GOLM1: variants seen among roughly 807,000 people sequenced by gnomAD.
The protein encoded by GOLM1 is golgi membrane protein 1.
In GOLM1, 31 loss-of-function variants were observed where a neutral mutation model predicts 50.5. The ratio of observed to expected loss-of-function variants is 0.61; its 90% confidence interval spans 0.46 to 0.83. The LOEUF is 0.83. Among genes scored for constraint, GOLM1 ranks in the 40% least tolerant of loss-of-function variants. GOLM1 has a pLI of 0.00. For synonymous variants in GOLM1, 178 were observed against 192.8 expected (o/e 0.92, Z 0.64); for missense variants, 491 against 501.3 (o/e 0.98, Z 0.20).
At chr9:86,058,609 T>A (rs1834057619) in intron 3 of GOLM1, among the ~76,000 whole-genome samples, 1 of 148,512 alleles carries the variant, frequency 6.7e-6, no homozygotes, top group South Asian at 2.1e-4. Flanking sequence ...GGCAGGGGAA[T>A]CATTTGAACA....
chr9:86,083,451 C>T (rs1834848757), intron 1 of GOLM1, among the ~76,000 whole-genome samples: 1 of 152,206 alleles, frequency 6.6e-6, no homozygotes, highest in Non-Finnish European at 1.5e-5. Flanking sequence ...GTGGCACGAA[C>T]TTGGCTCACT....
chr9:86,049,776 T>C (rs1833677725), intron 4 of GOLM1, among the ~76,000 whole-genome samples: 2 of 152,222 alleles, frequency 1.3e-5, no homozygotes, highest in South Asian at 4.1e-4. Context: ...GCTGAGACAA[T>C]GGAGTTTTCT....
intron 9 of GOLM1, among the ~76,000 whole-genome samples, chr9:86,031,459 T>TG (rs1467216407): frequency 2.3e-4 from 33 of 145,284 alleles, no homozygotes; most frequent in African/African-American, 8.4e-4. Flanking sequence ...GTTTTTTTTT[T>TG]TTTTTTTTTT....
intron 6 of GOLM1, among the ~76,000 whole-genome samples, chr9:86,038,925 C>T (rs1833240228): frequency 2.0e-5 from 3 of 151,578 alleles, no homozygotes; most frequent in Admixed American, 2.0e-4. Context: ...GAACACACAA[C>T]AAAAGAAAAA....
chr9:86,037,712 C>T (rs1028258867), intron 6 of GOLM1, among the ~76,000 whole-genome samples: 2 of 152,072 alleles, frequency 1.3e-5, no homozygotes, highest in Non-Finnish European at 2.9e-5. Flanking sequence ...GTCCTTAAGC[C>T]TGGAGACAGA....
At chr9:86,068,615 A>G (rs1044132650) in intron 3 of GOLM1, among the ~76,000 whole-genome samples, 1 of 152,218 alleles carries the variant, frequency 6.6e-6, no homozygotes, top group Non-Finnish European at 1.5e-5. Flanking sequence ...TCAGCCTTCA[A>G]GGCACCCCAG....
intron 4 of GOLM1, among the ~76,000 whole-genome samples, chr9:86,049,516 T>C (rs973062882): frequency 6.6e-6 from 1 of 152,244 alleles, no homozygotes; most frequent in African/African-American, 2.4e-5. Context: ...TGGAATGTTC[T>C]TCCATTTGTT....
intron 4 of GOLM1, among the ~76,000 whole-genome samples, chr9:86,048,684 T>A (rs886445636): frequency 5.3e-5 from 8 of 152,374 alleles, no homozygotes; most frequent in African/African-American, 1.9e-4. Context: ...TTTTGAGACA[T>A]GCTTGTTCGT....
chr9:86,058,476 AG>A (rs1834054306), intron 3 of GOLM1, among the ~76,000 whole-genome samples: 1 of 152,182 alleles, frequency 6.6e-6, no homozygotes, highest in East Asian at 1.9e-4. Context: ...TGGGAGGCCG[AG>A]GCAGGTGGAT....
intron 4 of GOLM1, among the ~76,000 whole-genome samples, chr9:86,047,572 G>A (rs1308891305): frequency 2.6e-5 from 4 of 152,168 alleles, no homozygotes; most frequent in African/African-American, 9.7e-5. Context: ...GGGGGGTCCT[G>A]GAGCGGTGGG....
chr9:86,031,061 T>A (rs1375741044), intron 9 of GOLM1, among the ~76,000 whole-genome samples: 1 of 151,924 alleles, frequency 6.6e-6, no homozygotes, highest in Non-Finnish European at 1.5e-5. Context: ...AATACAAATA[T>A]TAGCTGGACG....
intron 3 of GOLM1, among the ~76,000 whole-genome samples, chr9:86,074,136 C>T (rs1834535020): frequency 6.6e-6 from 1 of 151,772 alleles, no homozygotes; most frequent in South Asian, 2.1e-4. Flanking sequence ...GGTCCCCACA[C>T]CCCAGCTCCT....
intron 6 of GOLM1, chr9:86,036,887 T>A (rs1833164222): frequency 1.0e-5 from 2 of 192,346 alleles, no homozygotes; most frequent in Non-Finnish European, 2.1e-5. Context: ...CAAACACACC[T>A]GCTTCTCAGG....
At chr9:86,052,428 T>C (rs1833783814) in intron 4 of GOLM1, 109 bp downstream of exon 4, 4 of 858,564 alleles carry the variant, frequency 4.7e-6, no homozygotes, top group Admixed American at 1.9e-5. Flanking sequence ...CTCATGACAC[T>C]ATCCGCCATG....
chr9:86,043,848 T>C (rs1013866630), intron 5 of GOLM1, among the ~76,000 whole-genome samples: 6 of 152,214 alleles, frequency 3.9e-5, no homozygotes, highest in East Asian at 1.9e-4. Context: ...TCCTGACTGA[T>C]TGCCAGCTAG....
intron 3 of GOLM1, among the ~76,000 whole-genome samples, chr9:86,061,324 T>C (rs572912207): frequency 1.2e-4 from 18 of 152,222 alleles, no homozygotes; most frequent in South Asian, 1.0e-3. Flanking sequence ...CTGGAGAAAT[T>C]TGAGGTAGAT....
intron 1 of GOLM1, among the ~76,000 whole-genome samples, chr9:86,081,192 T>C (rs902148466): frequency 2.2e-5 from 3 of 133,844 alleles, no homozygotes; most frequent in Non-Finnish European, 4.9e-5. Flanking sequence ...CCAGCCTCAA[T>C]GATTTTTTTT....
chr9:86,081,967 G>A (rs1834795750), intron 1 of GOLM1, among the ~76,000 whole-genome samples: 2 of 150,818 alleles, frequency 1.3e-5, no homozygotes, highest in African/African-American at 4.9e-5. Context: ...TCTAACATCT[G>A]GGTCCTTCTG....
At chr9:86,058,730 CT>C (rs1834063286) in intron 3 of GOLM1, among the ~76,000 whole-genome samples, 1 of 147,656 alleles carries the variant, frequency 6.8e-6, no homozygotes, top group South Asian at 2.1e-4. Context: ...GGCGAGGTGG[CT>C]CACGCCTGTA....
Sources: gnomAD v4.1 joint callset for allele counts (sites outside exome capture counted in the v4.1 genomes callset) on GRCh38, gnomAD v4.1.1 for gene constraint, MANE v1.5 for transcripts, NCBI Gene and HGNC (gene_info 2026-07-23, HGNC 2026-07-21) for gene names.